FAS: variants seen among roughly 807,000 people sequenced by gnomAD.
FAS encodes the protein tumor necrosis factor receptor superfamily member 6.
FAS carries 5 observed loss-of-function variants against 33.2 expected under a neutral mutation model. The observed-to-expected ratio is 0.15, with a 90% CI of 0.08 to 0.32. The LOEUF (loss-of-function observed/expected upper bound fraction) is 0.32. Ranked by LOEUF, FAS falls within the 10% of genes least tolerant of loss-of-function variation. The pLI is 1.00. For missense variants in FAS, 339 were observed against 386.0 expected (o/e 0.88, Z 1.02); for synonymous variants, 131 against 130.7 (o/e 1.00, Z -0.01).
intron 1 of FAS, among the ~76,000 whole-genome samples, chr10:88,970,642 T>C (rs1846418539): frequency 6.6e-6 from 1 of 152,134 alleles, no homozygotes; most frequent in South Asian, 2.1e-4. Context: ...AATAGTTTGC[T>C]GAGAATGATG....
rs1284650633 is a variant in FAS, at chr10:89,015,221, CTCATCTTAATG to C, written c.*772_*782del. 1 of 534,772 alleles carries C rather than the reference CTCATCTTAATG, an allele frequency of 1.9e-6. No homozygotes were observed. The highest frequency in any genetic ancestry group is 1.5e-5 in the South Asian group (1 of 65,172). The allele number at this position is 534,772 out of a possible 1,614,324, so 33.1% of individuals were successfully genotyped here. A position where few individuals can be genotyped will look rare whatever the true frequency, so the allele number is the denominator to read the frequency against. On this transcript the variant is annotated 3_prime_UTR_variant, in exon 9 of 9. Coordinates refer to ENST00000652046, the MANE Select transcript of FAS (RefSeq NM_000043.6). ...CCACCTCTCCATTTTTGCCTTGGTG[CTCATCTTAATG>C]GCCTAATGCACCCCCAAACATGGAA...
chr10:89,010,529 T>C lies in FAS; in HGVS notation c.444-10T>C, dbSNP rs376221314. The C allele has an allele frequency of 2.4e-5, 39 of 1,612,392 alleles. No homozygotes were observed. Among genetic ancestry groups the C allele is most frequent in the Non-Finnish European group, 3.2e-5 (38 of 1,178,610 alleles). On this transcript the variant is annotated splice_polypyrimidine_tract_variant and intron_variant, in intron 4 of 8. Transcript: ENST00000652046. ...AGGCTTTTGAATTTCTCCTGTATTT[T>C]TTTTTCTAGATGTGAACATGGAATC...
chr10:89,002,108 T>C (rs9658727), intron 1 of FAS, among the ~76,000 whole-genome samples: 16,094 of 152,270 alleles, frequency 0.11, 1,098 homozygotes, highest in Non-Finnish European at 0.15. Flanking sequence ...CTTTCCCCAG[T>C]ATCCATTTGT....
intron 1 of FAS, among the ~76,000 whole-genome samples, chr10:89,000,393 G>A (rs930996367): frequency 1.3e-5 from 2 of 152,146 alleles, no homozygotes; most frequent in African/African-American, 4.8e-5. Flanking sequence ...TGATAAATCA[G>A]TATAGATCTT....
intron 7 of FAS, among the ~76,000 whole-genome samples, chr10:89,012,991 A>G (rs1848606886): frequency 6.6e-6 from 1 of 152,190 alleles, no homozygotes. Context: ...TTCTGGTATT[A>G]AGAATAAGAA....
chr10:89,006,384 A>G (rs1359819821), intron 2 of FAS, among the ~76,000 whole-genome samples: 2 of 152,224 alleles, frequency 1.3e-5, no homozygotes, highest in African/African-American at 2.4e-5. Flanking sequence ...ATATATTTAC[A>G]TGTCATAATT....
chr10:89,002,279 T>C, intron 1 of FAS, among the ~76,000 whole-genome samples: 1 of 152,208 alleles, frequency 6.6e-6, no homozygotes, highest in East Asian at 1.9e-4. Flanking sequence ...TGTTAGCCAC[T>C]CTTAACTGTG....
At position 89,016,903 on chromosome 10, in the gene FAS, T is replaced by A. The variant is rs1848826561; in HGVS notation, c.*2453T>A. ...CTTTTTAGATATTGAATCATCAGTTTCTGTACAACTATCTGAATAAGGTAT... is the reference window on the plus strand; with the variant it reads ...CTTTTTAGATATTGAATCATCAGTTACTGTACAACTATCTGAATAAGGTAT... On this transcript the variant is annotated 3_prime_UTR_variant, in exon 9 of 9. Transcript: ENST00000652046. The A allele has an allele frequency of 5.1e-6, 1 of 194,632 alleles. No individual in the cohort carries two copies. The highest frequency in any genetic ancestry group is 1.1e-5 in the Non-Finnish European group (1 of 93,506). The allele number at this position is 194,632 out of a possible 1,614,324, so 12.1% of individuals were successfully genotyped here. A position where few individuals can be genotyped will look rare whatever the true frequency, so the allele number is the denominator to read the frequency against.
In FAS at chr10:89,001,471, T is replaced by C. The variant is rs1305982167; in HGVS notation, c.31-1558T>C. Among the ~76,000 whole-genome samples, 5 of 151,808 alleles carry C rather than the reference T, an allele frequency of 3.3e-5. No individual in the cohort carries two copies. The East Asian group carries it at 9.7e-4, about 29-fold the overall frequency. ...AGCCTGAATGGGGGTCTATATTTCT[T>C]CCAGTAGTTAGTTTAATTCGGTCAT... On this transcript the variant is annotated intron_variant, in intron 1 of 8. Coordinates refer to ENST00000652046, the MANE Select transcript of FAS (RefSeq NM_000043.6).
chr10:89,011,748 A>G lies in FAS; in HGVS notation c.569-251A>G, dbSNP rs9658765. On this transcript the variant is annotated intron_variant, in intron 6 of 8. Coordinates refer to ENST00000652046, the MANE Select transcript of FAS (RefSeq NM_000043.6). ...AGTGGTGCTTGCCATATGGTAAGTC[A>G]AAAGCCATCTCCTTGCTAGGCCAGC... Among the ~76,000 whole-genome samples, 6,167 of 152,316 alleles carry G rather than the reference A, an allele frequency of 0.04. 212 individuals are homozygous for G. Among genetic ancestry groups the G allele is most frequent in the Admixed American group, 0.12 (1,772 of 15,290 alleles).
chr10:89,014,747 T>C lies in FAS; in HGVS notation c.*297T>C, dbSNP rs900095577. 2 of 586,826 alleles carry C rather than the reference T, an allele frequency of 3.4e-6. No homozygotes were observed. The highest frequency in any genetic ancestry group is 6.4e-6 in the Non-Finnish European group (2 of 312,396). The allele number at this position is 586,826 out of a possible 1,614,324, so 36.4% of individuals were successfully genotyped here. A position where few individuals can be genotyped will look rare whatever the true frequency, so the allele number is the denominator to read the frequency against. On this transcript the variant is annotated 3_prime_UTR_variant, in exon 9 of 9. Coordinates refer to ENST00000652046, the MANE Select transcript of FAS (RefSeq NM_000043.6). ...AGATTATGCTCTGGCATCTAACATA[T>C]GATTCTGTAGTATGAATGTAATCAG...
At position 89,015,979 on chromosome 10, in the gene FAS, C is replaced by T. The variant is rs9658782; in HGVS notation, c.*1529C>T. The T allele has an allele frequency of 4.7e-3, 1,280 of 269,916 alleles. 16 individuals carry two copies. The highest frequency in any genetic ancestry group is 0.026 in the African/African-American group (1,178 of 45,854). 16.7% of individuals were successfully genotyped at this position (269,916 alleles called of 1,614,324 possible). On this transcript the variant is annotated 3_prime_UTR_variant, in exon 9 of 9. Transcript: ENST00000652046. ...TATTGCCAAGAAGACCTCTTCCAAA[C>T]AGCACATGATTATTCGTCAAACAGT...
At chr10:89,009,125 G>C (rs1848400386) in intron 4 of FAS, 128 bp downstream of exon 4, 2 of 913,668 alleles carry the variant, frequency 2.2e-6, no homozygotes, top group South Asian at 2.6e-5. Context: ...CAAGCAACTA[G>C]ATGACTGTTT....
At position 89,014,718 on chromosome 10, in the gene FAS, AT is replaced by A. The variant is rs1848710633; in HGVS notation, c.*270del. The A allele has an allele frequency of 1.6e-6, 1 of 621,604 alleles. No homozygotes were observed. Among genetic ancestry groups the A allele is most frequent in the South Asian group, 1.5e-5 (1 of 66,010 alleles). The allele number at this position is 621,604 out of a possible 1,614,324, so 38.5% of individuals were successfully genotyped here. On this transcript the variant is annotated 3_prime_UTR_variant, in exon 9 of 9. Coordinates refer to ENST00000652046, the MANE Select transcript of FAS (RefSeq NM_000043.6). ...TAGGAGTGTATGCAGAGGATGAAAGATTAAGATTATGCTCTGGCATCTAACA... is the reference window on the plus strand; with the variant it reads ...TAGGAGTGTATGCAGAGGATGAAAGATAAGATTATGCTCTGGCATCTAACA...
rs1848622630 is a variant in FAS at position 89,013,327 on chromosome 10, A to G, written c.652-16A>G. 6.2e-7 allele frequency: 1 copy of G among 1,609,588 alleles called. No individual in the cohort carries two copies. Among genetic ancestry groups the G allele is most frequent in the Non-Finnish European group, 8.5e-7 (1 of 1,177,384 alleles). On this transcript the variant is annotated splice_polypyrimidine_tract_variant and intron_variant, in intron 7 of 8. Transcript: ENST00000652046. Reference sequence around the variant, plus strand: ...TTTTTATTTGTCTTTCTCTGCTTCCATTTTTTGCTTTCTAGGAAACAGTGG... The same window carrying G: ...TTTTTATTTGTCTTTCTCTGCTTCCGTTTTTTGCTTTCTAGGAAACAGTGG...
At chr10:89,003,774 T>C (rs568241006) in intron 2 of FAS, among the ~76,000 whole-genome samples, 1 of 152,302 alleles carries the variant, frequency 6.6e-6, no homozygotes, top group East Asian at 1.9e-4. Flanking sequence ...CAAACACTGG[T>C]AAATTAGAAG....
intron 1 of FAS, among the ~76,000 whole-genome samples, chr10:88,996,044 A>G (rs930377814): frequency 6.6e-6 from 1 of 152,220 alleles, no homozygotes; most frequent in Admixed American, 6.5e-5. Flanking sequence ...CTGTCCTTCA[A>G]TGAAGTCAGG....
At chr10:88,996,297 C>T (rs1384444196) in intron 1 of FAS, among the ~76,000 whole-genome samples, 2 of 151,472 alleles carry the variant, frequency 1.3e-5, no homozygotes, top group South Asian at 4.1e-4. Flanking sequence ...ATGTGAATGT[C>T]TGTAAGGTTT....
intron 2 of FAS, among the ~76,000 whole-genome samples, chr10:89,006,779 T>C (rs866467667): frequency 8.5e-5 from 13 of 152,336 alleles, no homozygotes; most frequent in African/African-American, 3.1e-4. Context: ...TTCTAAAAAG[T>C]TCCTAGGACT....
Sources: gnomAD v4.1 joint callset for allele counts (sites outside exome capture counted in the v4.1 genomes callset) on GRCh38, gnomAD v4.1.1 for gene constraint, MANE v1.5 for transcripts, NCBI Gene and HGNC (gene_info 2026-07-23, HGNC 2026-07-21) for gene names.